UVRAG: variants seen among roughly 807,000 people sequenced by gnomAD.
The protein encoded by UVRAG is UV radiation resistance associated.
Under a neutral mutation model 78.0 loss-of-function variants are expected in UVRAG, and 19 were observed. That is an observed-to-expected ratio of 0.24 (90% CI 0.17 to 0.36). The LOEUF (loss-of-function observed/expected upper bound fraction) is 0.36. Among genes scored for constraint, UVRAG ranks in the 10% least tolerant of loss-of-function variants. The pLI is 1.00. For synonymous variants in UVRAG, 323 were observed against 324.6 expected (o/e 1.00, Z 0.05); for missense variants, 740 against 853.8 (o/e 0.87, Z 1.66).
At chr11:75,928,939 C>CAAAAAAAAAAAAAAAAAAAAAAAA (rs368913080) in intron 6 of UVRAG, among the ~76,000 whole-genome samples, 1 of 67,494 alleles carries the variant, frequency 1.5e-5, no homozygotes, top group Non-Finnish European at 2.3e-5. Flanking sequence ...GAGACTGTCT[C>CAAAAAAAAAAAAAAAAAAAAAAAA]AAAAAAAAAA....
intron 7 of UVRAG, among the ~76,000 whole-genome samples, chr11:75,975,681 G>A (rs1949224049): frequency 6.6e-6 from 1 of 152,178 alleles, no homozygotes; most frequent in Non-Finnish European, 1.5e-5. Context: ...TGTTATTGGT[G>A]TATAGGAATG....
At chr11:75,931,895 A>G (rs1021568187) in intron 6 of UVRAG, among the ~76,000 whole-genome samples, 1 of 152,194 alleles carries the variant, frequency 6.6e-6, no homozygotes, top group Non-Finnish European at 1.5e-5. Context: ...TGCTTTGTCT[A>G]TAGGGTGACT....
At chr11:76,073,092 T>C (rs916883612) in intron 13 of UVRAG, among the ~76,000 whole-genome samples, 1 of 152,134 alleles carries the variant, frequency 6.6e-6, no homozygotes, top group African/African-American at 2.4e-5. Flanking sequence ...TATATATATA[T>C]TTAAAATGGG....
In UVRAG at chr11:76,142,952, A is replaced by G. The variant is rs1415409496; in HGVS notation, c.*1539A>G. ...TACATTGTTGTTTTCCATGTAGAGA[A>G]CTCACAGGATGACTACATCACAAAT... On this transcript the variant is annotated 3_prime_UTR_variant, in exon 15 of 15. Coordinates refer to ENST00000356136, the MANE Select transcript of UVRAG (RefSeq NM_003369.4). 1 of 152,260 alleles carries G rather than the reference A, an allele frequency of 6.6e-6. No homozygotes were observed. The highest frequency in any genetic ancestry group is 1.9e-4 in the East Asian group (1 of 5,198). The allele number at this position is 152,260 out of a possible 1,614,324, so 9.4% of individuals were successfully genotyped here.
intron 1 of UVRAG, among the ~76,000 whole-genome samples, chr11:75,816,758 A>G (rs888094740): frequency 2.6e-5 from 4 of 152,154 alleles, no homozygotes; most frequent in South Asian, 2.1e-4. Context: ...CCAACTTTCC[A>G]TCAGCTACCA....
chr11:75,876,761 T>C (rs1319809533), intron 3 of UVRAG, among the ~76,000 whole-genome samples: 1 of 151,578 alleles, frequency 6.6e-6, no homozygotes, highest in Non-Finnish European at 1.5e-5. Context: ...CCCTTTGATT[T>C]ACTGATTTAC....
At position 75,893,798 on chromosome 11, in the gene UVRAG, G is replaced by A. The variant is rs1459791466; in HGVS notation, c.507+4895G>A. On this transcript the variant is annotated intron_variant, in intron 5 of 14. Transcript: ENST00000356136. Reference sequence around the variant, plus strand: ...TTTGAGGCTGCAGTGAGCTGTGATCGCACCATTGCACTCTAGCCTATGTGA... The same window carrying A: ...TTTGAGGCTGCAGTGAGCTGTGATCACACCATTGCACTCTAGCCTATGTGA... Among the ~76,000 whole-genome samples, 5 of 150,338 alleles carry A rather than the reference G, an allele frequency of 3.3e-5. No individual in the cohort carries two copies. In the East Asian group the frequency reaches 5.9e-4, roughly 18 times the overall value.
At chr11:76,105,397 C>T (rs1334020753) in intron 13 of UVRAG, among the ~76,000 whole-genome samples, 1 of 151,846 alleles carries the variant, frequency 6.6e-6, no homozygotes. Context: ...AAAGCAATAC[C>T]TTGTCTTAAA....
chr11:75,966,747 G>A (rs1281528558), intron 7 of UVRAG, among the ~76,000 whole-genome samples: 2 of 152,158 alleles, frequency 1.3e-5, no homozygotes, highest in African/African-American at 2.4e-5. Context: ...AAATGTTGAT[G>A]TTTTTATTTT....
intron 12 of UVRAG, among the ~76,000 whole-genome samples, chr11:76,043,716 C>A (rs1453767685): frequency 6.6e-6 from 1 of 152,090 alleles, no homozygotes; most frequent in Non-Finnish European, 1.5e-5. Flanking sequence ...TTCTGACTCC[C>A]AAGTTTGTAT....
At chr11:76,109,611 C>G (rs1364480848) in intron 13 of UVRAG, among the ~76,000 whole-genome samples, 1 of 152,186 alleles carries the variant, frequency 6.6e-6, no homozygotes, top group African/African-American at 2.4e-5. Context: ...GCCTCTCATT[C>G]CAAAGACAGA....
intron 6 of UVRAG, among the ~76,000 whole-genome samples, chr11:75,940,613 G>A (rs192710672): frequency 1.1e-4 from 16 of 152,252 alleles, no homozygotes; most frequent in African/African-American, 3.4e-4. Flanking sequence ...TTGGACAGTG[G>A]CATTCTTGCT....
Position 76,142,981 on chromosome 11 carries a change from C to T in UVRAG, c.*1568C>T, listed in dbSNP as rs904362001. ...ACAGGATGACTACATCACAAATAAA[C>T]CCAACTCTCAGGCAGTCGAAAGCTT... On this transcript the variant is annotated 3_prime_UTR_variant, in exon 15 of 15. Transcript: ENST00000356136. The T allele has an allele frequency of 1.3e-5, 2 of 152,164 alleles. No homozygotes were observed. The highest frequency in any genetic ancestry group is 4.8e-5 in the African/African-American group (2 of 41,430). 9.4% of individuals were successfully genotyped at this position (152,164 alleles called of 1,614,324 possible).
chr11:75,945,129 A>G (rs764151194), intron 6 of UVRAG, among the ~76,000 whole-genome samples: 17 of 152,272 alleles, frequency 1.1e-4, no homozygotes, highest in Non-Finnish European at 1.8e-4. Flanking sequence ...CACTGAATAA[A>G]TATTGCATAG....
At chr11:75,866,650 G>C (rs1463072318) in intron 3 of UVRAG, among the ~76,000 whole-genome samples, 3 of 151,708 alleles carry the variant, frequency 2.0e-5, no homozygotes, top group South Asian at 4.2e-4. Flanking sequence ...TTTTTGTATG[G>C]TTGTCTTAGC....
At chr11:76,076,529 A>T (rs1951407092) in intron 13 of UVRAG, among the ~76,000 whole-genome samples, 1 of 152,170 alleles carries the variant, frequency 6.6e-6, no homozygotes, top group African/African-American at 2.4e-5. Context: ...CCCTCCCATG[A>T]CACGTGGAAT....
At chr11:75,862,030 C>T (rs140513912) in intron 3 of UVRAG, among the ~76,000 whole-genome samples, 3 of 152,014 alleles carry the variant, frequency 2.0e-5, no homozygotes, top group East Asian at 1.9e-4. Context: ...CACATGTATA[C>T]GTATGTAACA....
At chr11:76,095,476 A>C (rs1449320737) in intron 13 of UVRAG, among the ~76,000 whole-genome samples, 1 of 151,680 alleles carries the variant, frequency 6.6e-6, no homozygotes, top group Non-Finnish European at 1.5e-5. Context: ...TTACATATGT[A>C]AAAAAATTTG....
intron 4 of UVRAG, among the ~76,000 whole-genome samples, chr11:75,885,166 A>G (rs1333639495): frequency 6.6e-6 from 1 of 152,052 alleles, no homozygotes; most frequent in Admixed American, 6.5e-5. Flanking sequence ...ATGTAGAAAT[A>G]TATATCTCTG....
Sources: gnomAD v4.1 joint callset for allele counts (sites outside exome capture counted in the v4.1 genomes callset) on GRCh38, gnomAD v4.1.1 for gene constraint, MANE v1.5 for transcripts, NCBI Gene and HGNC (gene_info 2026-07-23, HGNC 2026-07-21) for gene names.